VWA8: variants seen among roughly 807,000 people sequenced by gnomAD.
The protein encoded by VWA8 is von Willebrand factor A domain containing 8.
A neutral mutation model predicts 241.5 loss-of-function variants in VWA8; 221 were observed. The observed-to-expected ratio is 0.91, with a 90% CI of 0.82 to 1.02. The LOEUF is 1.02. VWA8 is among the 50% of genes least tolerant of loss of function. The probability of loss-of-function intolerance (pLI) is 0.00; values close to 1 mark genes in which losing one functional copy is unlikely to be tolerated. For missense variants in VWA8, 2,322 were observed against 2,328.7 expected, an observed-to-expected ratio of 1.00 and a Z score of 0.06; for synonymous variants, 852 against 827.1, an observed-to-expected ratio of 1.03 and a Z score of -0.52.
intron 37 of VWA8, among the ~76,000 whole-genome samples, chr13:41,616,393 A>T (rs1429470482): frequency 6.6e-6 from 1 of 152,224 alleles, no homozygotes; most frequent in Non-Finnish European, 1.5e-5. Flanking sequence ...GCCAGACATG[A>T]CAATTGATAT....
chr13:41,684,520 G>A (rs1161337977), intron 35 of VWA8, among the ~76,000 whole-genome samples: 1 of 152,106 alleles, frequency 6.6e-6, no homozygotes, highest in Admixed American at 6.5e-5. Context: ...TTTTAGTTCT[G>A]TGTCAGAATA....
intron 37 of VWA8, among the ~76,000 whole-genome samples, chr13:41,666,765 T>TA (rs1489447813): frequency 1.3e-5 from 2 of 151,862 alleles, no homozygotes; most frequent in African/African-American, 4.8e-5. Context: ...GAATAAACAA[T>TA]AAAAAAATAA....
chr13:41,691,614 C>G (rs546274325), intron 31 of VWA8, among the ~76,000 whole-genome samples, 169 bp from the exon 32 acceptor site: 1 of 151,930 alleles, frequency 6.6e-6, no homozygotes, highest in Admixed American at 6.6e-5. Context: ...AAATTCTAAA[C>G]TATGTCAGGG....
intron 40 of VWA8, among the ~76,000 whole-genome samples, chr13:41,598,786 C>T (rs963602209): frequency 1.3e-5 from 2 of 151,296 alleles, no homozygotes; most frequent in Non-Finnish European, 2.9e-5. Flanking sequence ...TTTTCTTTCT[C>T]TGACAATAGC....
chr13:41,777,440 G>A (rs992863208), intron 20 of VWA8, among the ~76,000 whole-genome samples: 1 of 152,102 alleles, frequency 6.6e-6, no homozygotes, highest in Non-Finnish European at 1.5e-5. Flanking sequence ...GAACTGCAGA[G>A]TGCCTCAAGC....
At chr13:41,650,533 C>T (rs1338908111) in intron 37 of VWA8, among the ~76,000 whole-genome samples, 1 of 152,236 alleles carries the variant, frequency 6.6e-6, no homozygotes, top group African/African-American at 2.4e-5. Context: ...GCCTGGAAAA[C>T]TCCAAAGGAT....
intron 21 of VWA8, among the ~76,000 whole-genome samples, chr13:41,740,311 C>T (rs2045560508): frequency 6.6e-6 from 1 of 152,102 alleles, no homozygotes; most frequent in Non-Finnish European, 1.5e-5. Flanking sequence ...ACTTCTTTTA[C>T]TCTCTAGCCC....
At chr13:41,707,740 C>T (rs2045291369) in intron 26 of VWA8, among the ~76,000 whole-genome samples, 1 of 152,138 alleles carries the variant, frequency 6.6e-6, no homozygotes, top group African/African-American at 2.4e-5. Context: ...CCTGAATATG[C>T]TATGCATTTT....
rs756711531 is a variant in VWA8, at chr13:41,881,372, CGGGGGGGGG to C, written c.1080+2006_1080+2014del. Among the ~76,000 whole-genome samples, 58 of 8,296 alleles carry C rather than the reference CGGGGGGGGG, an allele frequency of 7.0e-3. 9 individuals carry two copies. The highest frequency in any genetic ancestry group is 0.012 in the South Asian group (2 of 164). 5.4% of individuals were successfully genotyped at this position (8,296 alleles called of 152,430 possible). On this transcript the variant is annotated intron_variant, in intron 9 of 44. Coordinates refer to ENST00000379310, the MANE Select transcript of VWA8 (RefSeq NM_015058.2). ...CTAGAACATCATAGTTTTTTTTTGC[CGGGGGGGGG>C]GGGGGGGGGGTAAGGTCACAGATCA...
chr13:41,823,907 C>T (rs1871069205), intron 14 of VWA8, among the ~76,000 whole-genome samples: 1 of 152,154 alleles, frequency 6.6e-6, no homozygotes, highest in South Asian at 2.1e-4. Context: ...GTTGGTAGCC[C>T]ACTGCTAGAA....
chr13:41,932,818 C>T (rs1262461049), intron 2 of VWA8, among the ~76,000 whole-genome samples: 5 of 151,838 alleles, frequency 3.3e-5, no homozygotes, highest in Non-Finnish European at 4.4e-5. Flanking sequence ...AAAAAACGTC[C>T]TTAACTTGAT....
chr13:41,573,717 G>A (rs1486994574), intron 43 of VWA8, among the ~76,000 whole-genome samples: 1 of 151,014 alleles, frequency 6.6e-6, no homozygotes, highest in Admixed American at 6.6e-5. Flanking sequence ...TCCCGGGTTC[G>A]GGCGGTTCTC....
chr13:41,767,055 T>C (rs1437250860), intron 20 of VWA8, among the ~76,000 whole-genome samples: 2 of 152,200 alleles, frequency 1.3e-5, no homozygotes, highest in Non-Finnish European at 2.9e-5. Flanking sequence ...CTTTCTTGCA[T>C]GTTCTCTGAA....
At chr13:41,614,043 C>T (rs2044605936) in intron 38 of VWA8, among the ~76,000 whole-genome samples, 1 of 152,204 alleles carries the variant, frequency 6.6e-6, no homozygotes, top group Non-Finnish European at 1.5e-5. Flanking sequence ...CAGCTCGTCC[C>T]ACAATGCATT....
At chr13:41,843,225 C>T (rs1455775752) in intron 12 of VWA8, among the ~76,000 whole-genome samples, 1 of 152,044 alleles carries the variant, frequency 6.6e-6, no homozygotes, top group African/African-American at 2.4e-5. Flanking sequence ...AGACTAAAAC[C>T]CCAGCATATA....
intron 15 of VWA8, 74 bp downstream of exon 15, chr13:41,819,144 T>C (rs1173154056): frequency 1.4e-6 from 2 of 1,451,398 alleles, no homozygotes; most frequent in Middle Eastern, 2.3e-4. Context: ...TAACTCTACT[T>C]TGGCATGTAT....
At chr13:41,574,174 TAAA>T (rs59813167) in intron 43 of VWA8, among the ~76,000 whole-genome samples, 2 of 137,234 alleles carry the variant, frequency 1.5e-5, no homozygotes, top group African/African-American at 2.7e-5. Flanking sequence ...AAGTTTTCTG[TAAA>T]AAAAAAAAAA....
intron 35 of VWA8, among the ~76,000 whole-genome samples, chr13:41,678,684 T>C (rs544331204): frequency 2.3e-4 from 35 of 152,386 alleles, no homozygotes; most frequent in African/African-American, 8.2e-4. Flanking sequence ...TTTTAAAATA[T>C]CTTTTTTTTC....
intron 9 of VWA8, among the ~76,000 whole-genome samples, chr13:41,877,121 T>C (rs961289131): frequency 6.6e-6 from 1 of 152,098 alleles, no homozygotes; most frequent in Non-Finnish European, 1.5e-5. Flanking sequence ...GGTTCTAGTA[T>C]ATGGAATTAT....
Sources: gnomAD v4.1 joint callset for allele counts (sites outside exome capture counted in the v4.1 genomes callset) on GRCh38, gnomAD v4.1.1 for gene constraint, MANE v1.5 for transcripts, NCBI Gene and HGNC (gene_info 2026-07-23, HGNC 2026-07-21) for gene names.